The following PIK3IP1 variants were observed in gnomAD, a reference collection of about 807,000 sequenced individuals.
PIK3IP1 encodes the protein phosphoinositide-3-kinase interacting protein 1, also known as phosphoinositide-3-kinase-interacting protein 1.
PIK3IP1 carries 28 observed loss-of-function variants against 30.7 expected under a neutral mutation model. The ratio of observed to expected loss-of-function variants is 0.91; its 90% CI spans 0.68 to 1.25. PIK3IP1 has a LOEUF of 1.25. Ranked by LOEUF, PIK3IP1 falls within the 50% of genes most tolerant of loss-of-function variation. The pLI is 0.00. For synonymous variants in PIK3IP1, 159 were observed against 140.8 expected (o/e 1.13, Z -0.91); for missense variants, 333 against 346.2 (o/e 0.96, Z 0.30).
rs769231489 is a variant in PIK3IP1, at chr22:31,283,076, G to A, written c.*8C>T. 7.6e-6 allele frequency: 12 copies of A among 1,577,424 alleles called. No individual in the cohort carries two copies. Among genetic ancestry groups the A allele is most frequent in the Non-Finnish European group, 9.5e-6 (11 of 1,159,658 alleles). Reference sequence around the variant, plus strand: ...GTGTCTGCATGGGCTCCTGCCCACTGGGGGGGCTCAGGCCCCAGGAGTCCC... The same window carrying A: ...GTGTCTGCATGGGCTCCTGCCCACTAGGGGGGCTCAGGCCCCAGGAGTCCC... On this transcript the variant is annotated 3_prime_UTR_variant, in exon 6 of 6. Transcript: ENST00000215912.
At chr22:31,289,246 G>A (rs1245455062) in intron 5 of PIK3IP1, 69 bp downstream of exon 5, 2 of 1,505,784 alleles carry the variant, frequency 1.3e-6, no homozygotes, top group African/African-American at 1.4e-5. Context: ...GGGTAAGAAA[G>A]CCACAAAGTT....
Position 31,289,668 on chromosome 22 carries a change from C to A in PIK3IP1, c.339G>T (p.Thr113=), listed in dbSNP as rs148357191. The part of the protein sequence containing the change: ...ETTSQALPAF[T]TEIQEASEGP... ...CTTCAGACGCTTCCTGGATTTCTGTCGTGAAGGCTGGCAGGGCCTGGGAGG... is the reference window on the plus strand; with the variant it reads ...CTTCAGACGCTTCCTGGATTTCTGTAGTGAAGGCTGGCAGGGCCTGGGAGG... The change falls in exon 4 of 6, where the codon ACG becomes ACT. Residue 113 remains threonine (T), a synonymous_variant. Transcript: ENST00000215912. 131 of 1,553,274 alleles carry A rather than the reference C, an allele frequency of 8.4e-5. No homozygotes were observed. The highest frequency in any genetic ancestry group is 1.2e-4 in the Admixed American group (6 of 51,018).
At chr22:31,289,834 A>C in intron 3 of PIK3IP1, 135 bp from the exon 4 acceptor site, 1 of 901,420 alleles carries the variant, frequency 1.1e-6, no homozygotes, top group Non-Finnish European at 1.7e-6. Context: ...CCAAAGTCAA[A>C]TTCTGCCCCA....
chr22:31,289,249 A>C (rs1405183292), intron 5 of PIK3IP1, 66 bp downstream of exon 5: 5 of 1,544,200 alleles, frequency 3.2e-6, no homozygotes, highest in South Asian at 1.1e-5. Flanking sequence ...TAAGAAAGCC[A>C]CAAAGTTTGA....
At position 31,291,244 on chromosome 22, in the gene PIK3IP1, C is replaced by T. The variant is rs1361605574; in HGVS notation, c.123G>A (p.Ala41=). 3 of 1,552,044 alleles carry T rather than the reference C, an allele frequency of 1.9e-6. No individual in the cohort carries two copies. The highest frequency in any genetic ancestry group is 1.4e-5 in the African/African-American group (1 of 72,986). Residue 41 remains alanine, a synonymous_variant, in exon 2 of 6, where the codon GCG becomes GCA. Transcript: ENST00000215912. ...HLYREDQTSP[A]PGLRCLNWLD... is the part of the protein sequence containing the mutation. ...GCCAGTTGAGGCAGCGGAGGCCCGG[C>T]GCGGGGGAGGTCTGGTCCTCCCGGT...
rs1555889532 is a variant in PIK3IP1, at chr22:31,283,075, T to TGC, written c.*8_*9insGC. ...AGTGTCTGCATGGGCTCCTGCCCAC[T>TGC]GGGGGGGCTCAGGCCCCAGGAGTCC... is the stretch of plus-strand genomic sequence containing the variant. On this transcript the variant is annotated 3_prime_UTR_variant, in exon 6 of 6. Transcript: ENST00000215912. The TGC allele has an allele frequency of 1.9e-6, 3 of 1,581,058 alleles. No individual in the cohort carries two copies. The African/African-American group carries it at 4.0e-5, about 21-fold the overall frequency.
chr22:31,289,768 C>G, intron 3 of PIK3IP1, 69 bp from the exon 4 acceptor site: 2 of 1,511,962 alleles, frequency 1.3e-6, no homozygotes, highest in African/African-American at 1.4e-5. Flanking sequence ...TGAACCTGGC[C>G]TGAGTGTTAG....
chr22:31,291,483 A>T (rs1164643750), intron 1 of PIK3IP1, among the ~76,000 whole-genome samples, 187 bp from the exon 2 acceptor site: 1 of 20,496 alleles, frequency 4.9e-5, no homozygotes. Context: ...CCCCCCCCCA[A>T]CTCCACGCAC....
intron 3 of PIK3IP1, 44 bp downstream of exon 3, chr22:31,290,921 T>G: frequency 1.3e-6 from 2 of 1,532,270 alleles, no homozygotes; most frequent in East Asian, 5.0e-5. Context: ...AGCCGCTTCC[T>G]GTCAGCGCCA....
At chr22:31,290,644 C>T (rs1034579912) in intron 3 of PIK3IP1, 5 of 311,374 alleles carry the variant, frequency 1.6e-5, no homozygotes, top group South Asian at 1.6e-4. Context: ...GTCTAGCACA[C>T]TGCAGACGCT....
At chr22:31,290,557 G>C (rs2049166240) in intron 3 of PIK3IP1, 1 of 174,406 alleles carries the variant, frequency 5.7e-6, no homozygotes, top group Admixed American at 6.3e-5. Context: ...CTTCTCTGAA[G>C]CTCAGATGCC....
At chr22:31,288,449 A>G (rs2049148351) in intron 5 of PIK3IP1, among the ~76,000 whole-genome samples, 2 of 151,822 alleles carry the variant, frequency 1.3e-5, no homozygotes. Flanking sequence ...GAAAGGAAGG[A>G]AAAATGCAGG....
At chr22:31,288,695 C>A (rs2049149798) in intron 5 of PIK3IP1, among the ~76,000 whole-genome samples, 1 of 152,254 alleles carries the variant, frequency 6.6e-6, no homozygotes, top group African/African-American at 2.4e-5. Context: ...GTCCCAGCCA[C>A]AGGTCATGTC....
At position 31,291,312 on chromosome 22, in the gene PIK3IP1, G is replaced by GC; in HGVS notation, c.71-17dup. On this transcript the variant is annotated splice_polypyrimidine_tract_variant and intron_variant, in intron 1 of 5. Transcript: ENST00000215912. ...CAGAAACAGCCTGTGAGGAAAAGAA[G>GC]CCCCCGGACACAGAATAGCGGGCAG... The GC allele has an allele frequency of 6.4e-7, 1 of 1,554,028 alleles. No individual in the cohort carries two copies. The highest frequency in any genetic ancestry group is 8.7e-7 in the Non-Finnish European group (1 of 1,148,746).
At chr22:31,291,571 G>T (rs1297104578) in intron 1 of PIK3IP1, among the ~76,000 whole-genome samples, 1 of 147,286 alleles carries the variant, frequency 6.8e-6, no homozygotes, top group African/African-American at 2.5e-5. Flanking sequence ...ATTTATTTTT[G>T]AAACCTGGAA....
intron 5 of PIK3IP1, among the ~76,000 whole-genome samples, chr22:31,286,699 CTGGAAGGCCTGGAAACTG>C (rs2049132950): frequency 6.6e-6 from 1 of 152,186 alleles, no homozygotes; most frequent in Non-Finnish European, 1.5e-5. Context: ...GTTCAAGCAC[CTGGAAGGCCTGGAAACTG>C]TCACAGGATT....
chr22:31,288,278 T>C (rs1439573348), intron 5 of PIK3IP1, among the ~76,000 whole-genome samples: 6 of 145,632 alleles, frequency 4.1e-5, no homozygotes, highest in Non-Finnish European at 9.0e-5. Flanking sequence ...TCAGTGGGGG[T>C]GGGTGGGGGT....
At chr22:31,290,740 C>A (rs1450297539) in intron 3 of PIK3IP1, 2 of 586,112 alleles carry the variant, frequency 3.4e-6, no homozygotes, top group Non-Finnish European at 5.5e-6. Context: ...CCAGCCTCGC[C>A]CCGCGCAGTT....
intron 3 of PIK3IP1, chr22:31,290,593 T>C (rs1267145240): frequency 1.0e-5 from 2 of 194,178 alleles, no homozygotes; most frequent in African/African-American, 4.7e-5. Context: ...CCGCGGTGTG[T>C]GTCAGGGGAG....
Sources: allele counts gnomAD v4.1 joint callset (sites outside exome capture counted in the v4.1 genomes callset), GRCh38; gene constraint gnomAD v4.1.1; transcripts MANE v1.5; gene names NCBI Gene and HGNC (gene_info 2026-07-23, HGNC 2026-07-21).